C4orf36: variants seen among roughly 807,000 people sequenced by gnomAD.
C4orf36 encodes the protein uncharacterized protein C4orf36.
A neutral mutation model predicts 12.2 loss-of-function variants in C4orf36; 11 were observed. The observed-to-expected ratio is 0.90, with a 90% CI of 0.57 to 1.49. The LOEUF (loss-of-function observed/expected upper bound fraction) is 1.49. Among genes scored for constraint, C4orf36 ranks in the 40% most tolerant of loss-of-function variants. The probability of loss-of-function intolerance (pLI) is 0.00; values close to 1 mark genes in which losing one functional copy is unlikely to be tolerated. For synonymous variants in C4orf36, 54 were observed against 51.3 expected, an observed-to-expected ratio of 1.05 and a Z score of -0.22; for missense variants, 137 against 133.9, an observed-to-expected ratio of 1.02 and a Z score of -0.11.
the C4orf36 span, among the ~76,000 whole-genome samples, chr4:86,911,681 C>G: frequency 2.6e-5 from 4 of 152,130 alleles, no homozygotes; most frequent in South Asian, 2.1e-4. Flanking sequence ...CTGTCTGTCT[C>G]TCTGTCTCTC....
At chr4:86,907,165 C>G in the C4orf36 span, among the ~76,000 whole-genome samples, 3 of 152,174 alleles carry the variant, frequency 2.0e-5, no homozygotes, top group African/African-American at 7.2e-5. Flanking sequence ...CCAGAGACCA[C>G]TGGTGTGAGA....
chr4:86,904,053 C>T, the C4orf36 span, among the ~76,000 whole-genome samples: 1 of 152,248 alleles, frequency 6.6e-6, no homozygotes, highest in Non-Finnish European at 1.5e-5. Context: ...TTCTCCAAGT[C>T]CCCACCCATC....
At chr4:86,879,725 C>A (rs993983938) in intron 4 of C4orf36, among the ~76,000 whole-genome samples, 3 of 152,052 alleles carry the variant, frequency 2.0e-5, no homozygotes, top group African/African-American at 7.2e-5. Context: ...TGACCCAAAC[C>A]AAAACACATT....
At chr4:86,930,102 C>CA in the C4orf36 span, among the ~76,000 whole-genome samples, 4 of 152,328 alleles carry the variant, frequency 2.6e-5, no homozygotes, top group South Asian at 8.3e-4. Flanking sequence ...CTCTTACCTC[C>CA]AATCCTGCTC....
chr4:86,905,629 G>A, the C4orf36 span, among the ~76,000 whole-genome samples: 1 of 152,108 alleles, frequency 6.6e-6, no homozygotes, highest in Admixed American at 6.6e-5. Flanking sequence ...GACAAGTGGT[G>A]ATCTGAGGTT....
At chr4:86,928,662 T>G in the C4orf36 span, among the ~76,000 whole-genome samples, 1 of 152,198 alleles carries the variant, frequency 6.6e-6, no homozygotes, top group African/African-American at 2.4e-5. Flanking sequence ...TAGTATACAA[T>G]CAGTAAATGG....
intron 2 of C4orf36, chr4:86,890,063 G>A (rs769304421): frequency 5.1e-5 from 23 of 454,304 alleles, no homozygotes; most frequent in South Asian, 3.3e-4. Flanking sequence ...ACAGTGGTGT[G>A]TGCCTGTGGT....
the C4orf36 span, among the ~76,000 whole-genome samples, chr4:86,918,976 C>T: frequency 6.6e-6 from 1 of 152,070 alleles, no homozygotes; most frequent in Non-Finnish European, 1.5e-5. Flanking sequence ...TCCTCAGAGC[C>T]AGGGAAGCTG....
chr4:86,917,325 AG>A, the C4orf36 span, among the ~76,000 whole-genome samples: 1 of 115,726 alleles, frequency 8.6e-6, no homozygotes, highest in Non-Finnish European at 2.0e-5. Context: ...AGAGAGAGAG[AG>A]AGATGAAGGA....
the C4orf36 span, among the ~76,000 whole-genome samples, chr4:86,903,405 G>A: frequency 3.9e-5 from 6 of 152,132 alleles, no homozygotes; most frequent in African/African-American, 4.8e-5. Context: ...CAGTGTCCCC[G>A]TAATCAGTCG....
chr4:86,928,678 GTTCT>G, the C4orf36 span, among the ~76,000 whole-genome samples: 2 of 152,108 alleles, frequency 1.3e-5, no homozygotes, highest in Non-Finnish European at 2.9e-5. Flanking sequence ...AATGGTAAAT[GTTCT>G]TTTTTTCTTT....
chr4:86,883,790 G>A (rs544348021), intron 4 of C4orf36, among the ~76,000 whole-genome samples: 3 of 152,306 alleles, frequency 2.0e-5, no homozygotes, highest in South Asian at 2.1e-4. Context: ...CACTTTGGGA[G>A]GCCAAGATGG....
the C4orf36 span, among the ~76,000 whole-genome samples, chr4:86,897,829 T>C: frequency 2.0e-5 from 3 of 152,208 alleles, no homozygotes; most frequent in Non-Finnish European, 4.4e-5. Context: ...GTTCTCAGGC[T>C]GGCACCACCA....
At chr4:86,934,224 G>C in the C4orf36 span, among the ~76,000 whole-genome samples, 1 of 152,168 alleles carries the variant, frequency 6.6e-6, no homozygotes, top group African/African-American at 2.4e-5. Context: ...TAATCTTTCT[G>C]CGTCCCTTTC....
At chr4:86,918,810 C>CGTGT in the C4orf36 span, among the ~76,000 whole-genome samples, 8 of 150,018 alleles carry the variant, frequency 5.3e-5, no homozygotes, top group African/African-American at 2.0e-4. Flanking sequence ...GTTGTGTGTG[C>CGTGT]GTGTGTGTGT....
intron 4 of C4orf36, chr4:86,887,317 A>T (rs1268188942): frequency 6.6e-6 from 1 of 152,532 alleles, no homozygotes; most frequent in Non-Finnish European, 1.5e-5. Flanking sequence ...GGTACTAAAA[A>T]TGAAGTCTAT....
chr4:86,929,863 G>A, the C4orf36 span, among the ~76,000 whole-genome samples: 3 of 152,172 alleles, frequency 2.0e-5, no homozygotes, highest in East Asian at 1.9e-4. Flanking sequence ...TCAGAATCCC[G>A]AGTCTATAAT....
chr4:86,878,586 C>T (rs1372998168), intron 4 of C4orf36, among the ~76,000 whole-genome samples: 1 of 152,174 alleles, frequency 6.6e-6, no homozygotes, highest in Non-Finnish European at 1.5e-5. Flanking sequence ...ATTTTACCTG[C>T]CCTAGCCATT....
the C4orf36 span, among the ~76,000 whole-genome samples, chr4:86,898,855 C>T: frequency 6.6e-6 from 1 of 152,156 alleles, no homozygotes; most frequent in South Asian, 2.1e-4. Context: ...TCCCATTCAA[C>T]TGAACTCTTC....
Sources: gnomAD v4.1 joint callset for allele counts (sites outside exome capture counted in the v4.1 genomes callset) on GRCh38, gnomAD v4.1.1 for gene constraint, MANE v1.5 for transcripts, NCBI Gene and HGNC (gene_info 2026-07-23, HGNC 2026-07-21) for gene names.